The following C2CD5 variants were observed in gnomAD, a reference collection of about 807,000 sequenced individuals.
C2CD5 encodes C2 domain-containing protein 5.
A neutral mutation model predicts 130.3 loss-of-function variants in C2CD5; 109 were observed. The ratio of observed to expected loss-of-function variants is 0.84; its 90% CI spans 0.72 to 0.98. C2CD5 has a LOEUF of 0.98. Ranked by LOEUF, C2CD5 falls within the 50% of genes least tolerant of loss-of-function variation. C2CD5 has a pLI of 0.00. For synonymous variants in C2CD5, 454 were observed against 429.2 expected (o/e 1.06, Z -0.71); for missense variants, 996 against 1,261.8 (o/e 0.79, Z 3.19).
At chr12:22,513,711 A>G (rs973041560) in intron 8 of C2CD5, among the ~76,000 whole-genome samples, 1 of 152,148 alleles carries the variant, frequency 6.6e-6, no homozygotes, top group Non-Finnish European at 1.5e-5. Context: ...CAAGATAATA[A>G]CAATTACTAT....
intron 10 of C2CD5, among the ~76,000 whole-genome samples, chr12:22,497,898 GCACACACATACA>G (rs763596057): frequency 2.2e-4 from 22 of 102,246 alleles, no homozygotes; most frequent in African/African-American, 7.4e-4. Flanking sequence ...ATACACGCAT[GCACACACATACA>G]CACACACACA....
chr12:22,543,562 G>A (rs1952617274), intron 2 of C2CD5, among the ~76,000 whole-genome samples: 1 of 152,224 alleles, frequency 6.6e-6, no homozygotes, highest in African/African-American at 2.4e-5. Context: ...TCTTAAACAT[G>A]ATGTCCAGCA....
At chr12:22,531,752 G>A (rs1043776577) in intron 3 of C2CD5, among the ~76,000 whole-genome samples, 9 of 152,152 alleles carry the variant, frequency 5.9e-5, no homozygotes, top group African/African-American at 2.2e-4. Flanking sequence ...TGATGAGGTC[G>A]TAATTTTGAG....
chr12:22,515,369 C>T (rs996590221), intron 8 of C2CD5, among the ~76,000 whole-genome samples: 2 of 152,158 alleles, frequency 1.3e-5, no homozygotes, highest in Non-Finnish European at 2.9e-5. Flanking sequence ...CCTTTACAAA[C>T]TTCACATTCA....
Position 22,506,832 on chromosome 12 carries a change from A to T in C2CD5, c.1039-13T>A, listed in dbSNP as rs1404838745. 6.8e-7 allele frequency: 1 copy of T among 1,466,044 alleles called. No homozygotes were observed. The highest frequency in any genetic ancestry group is 9.6e-7 in the Non-Finnish European group (1 of 1,045,174). The allele number at this position is 1,466,044 out of a possible 1,614,324, so 90.8% of individuals were successfully genotyped here. On this transcript the variant is annotated splice_polypyrimidine_tract_variant and intron_variant, in intron 9 of 26. Coordinates refer to ENST00000446597, the MANE Select transcript of C2CD5 (RefSeq NM_001286176.2). ...AAAATGGAAATTCCTAGTGGAAAGA[A>T]TAAGGGAAAAATACAACTTATCGTG...
intron 2 of C2CD5, among the ~76,000 whole-genome samples, chr12:22,542,325 T>C (rs890471906): frequency 1.3e-5 from 2 of 152,248 alleles, no homozygotes; most frequent in Admixed American, 1.3e-4. Context: ...GGCAGGAGGA[T>C]GGCTTGAGGC....
At chr12:22,502,605 C>T in intron 10 of C2CD5, 1 of 461,950 alleles carries the variant, frequency 2.2e-6, no homozygotes, top group Non-Finnish European at 3.8e-6. Flanking sequence ...AGAGTTATTA[C>T]ATACGTAGCA....
At chr12:22,505,123 T>C (rs1948324457) in intron 10 of C2CD5, among the ~76,000 whole-genome samples, 2 of 151,974 alleles carry the variant, frequency 1.3e-5, no homozygotes, top group African/African-American at 4.8e-5. Flanking sequence ...TCAAATGACA[T>C]CAAACTACAG....
At chr12:22,526,664 G>A (rs1185481377) in intron 4 of C2CD5, among the ~76,000 whole-genome samples, 1 of 151,916 alleles carries the variant, frequency 6.6e-6, no homozygotes, top group Admixed American at 6.6e-5. Context: ...TGAGCTCAGG[G>A]GTTTGAGACC....
At chr12:22,494,952 C>T (rs886745522) in intron 10 of C2CD5, among the ~76,000 whole-genome samples, 1 of 152,126 alleles carries the variant, frequency 6.6e-6, no homozygotes, top group African/African-American at 2.4e-5. Flanking sequence ...TTAACATCAT[C>T]CTTTCCTAAA....
intron 6 of C2CD5, among the ~76,000 whole-genome samples, chr12:22,523,881 TATATAA>T (rs61304343): frequency 0.039 from 5,878 of 151,856 alleles, 369 homozygotes; most frequent in African/African-American, 0.13. Flanking sequence ...ATATATTTGC[TATATAA>T]ATATAACATT....
chr12:22,463,510 T>C (rs748655249), intron 22 of C2CD5: 3 of 152,388 alleles, frequency 2.0e-5, no homozygotes, highest in Middle Eastern at 3.4e-3. Flanking sequence ...CTTTTTGCCC[T>C]TCTGCCCTGT....
At chr12:22,487,318 C>CTAA (rs1945674967) in intron 12 of C2CD5, among the ~76,000 whole-genome samples, 1 of 150,282 alleles carries the variant, frequency 6.7e-6, no homozygotes, top group South Asian at 2.2e-4. Context: ...TGACAAAGGG[C>CTAA]TAATATCCAG....
chr12:22,510,965 CTAAT>C (rs894006577), intron 9 of C2CD5, among the ~76,000 whole-genome samples: 1 of 151,986 alleles, frequency 6.6e-6, no homozygotes, highest in African/African-American at 2.4e-5. Context: ...AGGCTCTCTC[CTAAT>C]TAATTAATTA....
intron 24 of C2CD5, among the ~76,000 whole-genome samples, chr12:22,458,091 A>G (rs913402670): frequency 6.6e-6 from 1 of 152,168 alleles, no homozygotes; most frequent in Non-Finnish European, 1.5e-5. Flanking sequence ...CTCACCATAA[A>G]TTCTTTATTA....
intron 10 of C2CD5, among the ~76,000 whole-genome samples, chr12:22,502,304 C>T (rs1318878002): frequency 6.6e-6 from 1 of 151,928 alleles, no homozygotes; most frequent in Non-Finnish European, 1.5e-5. Flanking sequence ...TTACAGTAGC[C>T]TATAGAACAC....
At chr12:22,485,055 C>A (rs1359631071) in intron 12 of C2CD5, among the ~76,000 whole-genome samples, 167 bp from the exon 13 acceptor site, 1 of 151,956 alleles carries the variant, frequency 6.6e-6, no homozygotes, top group Non-Finnish European at 1.5e-5. Context: ...TTGAAAATGA[C>A]CATGAAATCA....
At chr12:22,454,071 CTA>C in intron 25 of C2CD5, 29 bp from the exon 26 acceptor site, 1 of 1,582,748 alleles carries the variant, frequency 6.3e-7, no homozygotes, top group Non-Finnish European at 8.7e-7. Context: ...GAAAATCATA[CTA>C]TATATACATG....
At chr12:22,523,695 G>C in intron 6 of C2CD5, 71 bp from the exon 7 acceptor site, 2 of 961,556 alleles carry the variant, frequency 2.1e-6, no homozygotes, top group Non-Finnish European at 3.0e-6. Context: ...GGACATGGTA[G>C]TGGTAAAAAA....
Sources: gnomAD v4.1 joint callset for allele counts (sites outside exome capture counted in the v4.1 genomes callset) on GRCh38, gnomAD v4.1.1 for gene constraint, MANE v1.5 for transcripts, NCBI Gene and HGNC (gene_info 2026-07-23, HGNC 2026-07-21) for gene names.